FRMD3: variants seen among roughly 807,000 people sequenced by gnomAD.
FRMD3 encodes FERM domain containing 3, also known as FERM domain-containing protein 3.
In FRMD3, 33 loss-of-function variants were observed where a neutral mutation model predicts 70.2. The ratio of observed to expected loss-of-function variants is 0.47; its 90% confidence interval spans 0.36 to 0.63. The LOEUF is 0.63. FRMD3 is among the 20% of genes least tolerant of loss of function. The pLI is 0.00. For synonymous variants in FRMD3, 279 were observed against 255.9 expected, an observed-to-expected ratio of 1.09 and a Z score of -0.86; for missense variants, 632 against 711.4, an observed-to-expected ratio of 0.89 and a Z score of 1.27.
chr9:83,328,652 A>C (rs188139640), intron 6 of FRMD3, among the ~76,000 whole-genome samples: 268 of 152,320 alleles, frequency 1.8e-3, no homozygotes, highest in African/African-American at 6.3e-3. Context: ...CCATGAGGTC[A>C]TAGGGGAGTG....
intron 8 of FRMD3, among the ~76,000 whole-genome samples, 185 bp from the exon 9 acceptor site, chr9:83,310,733 A>G (rs1835320678): frequency 6.6e-6 from 1 of 152,084 alleles, no homozygotes; most frequent in African/African-American, 2.4e-5. Flanking sequence ...TCTCTTCCCA[A>G]GAGAGGATCC....
At chr9:83,332,967 A>G (rs1299442720) in intron 6 of FRMD3, among the ~76,000 whole-genome samples, 1 of 152,166 alleles carries the variant, frequency 6.6e-6, no homozygotes, top group African/African-American at 2.4e-5. Context: ...CCAAGGCCCA[A>G]TTCCTTACAC....
chr9:83,249,126 T>A (rs1037356771), intron 13 of FRMD3, among the ~76,000 whole-genome samples: 3 of 152,232 alleles, frequency 2.0e-5, no homozygotes, highest in African/African-American at 7.2e-5. Flanking sequence ...TTTATTTAGT[T>A]ATGCAATAAA....
At chr9:83,383,527 G>T (rs563890860) in intron 2 of FRMD3, among the ~76,000 whole-genome samples, 2 of 152,154 alleles carry the variant, frequency 1.3e-5, no homozygotes, top group Non-Finnish European at 2.9e-5. Context: ...ATATTTTTAA[G>T]ACTAATTTGA....
the FRMD3 span, among the ~76,000 whole-genome samples, chr9:83,555,193 C>T: frequency 6.7e-6 from 1 of 150,238 alleles, no homozygotes; most frequent in Non-Finnish European, 1.5e-5. Flanking sequence ...TCACCTCAGA[C>T]ACTCCAAAGC....
chr9:83,542,378 T>C (rs565848789), upstream of FRMD3, among the ~76,000 whole-genome samples: 3 of 152,314 alleles, frequency 2.0e-5, no homozygotes, highest in African/African-American at 7.2e-5. Flanking sequence ...TAAAAAGAAA[T>C]ATTTAGGTAT....
chr9:83,519,066 C>G (rs1391714289), intron 1 of FRMD3, among the ~76,000 whole-genome samples: 2 of 152,160 alleles, frequency 1.3e-5, no homozygotes, highest in South Asian at 4.1e-4. Flanking sequence ...CAATACCATT[C>G]AGGACATAGG....
intron 5 of FRMD3, among the ~76,000 whole-genome samples, chr9:83,337,468 G>A (rs1214515457): frequency 6.6e-6 from 1 of 152,152 alleles, no homozygotes; most frequent in Non-Finnish European, 1.5e-5. Flanking sequence ...ACAGCATGGA[G>A]GGGCAAAGGT....
intron 3 of FRMD3, among the ~76,000 whole-genome samples, chr9:83,356,466 C>T (rs560147042): frequency 1.3e-5 from 2 of 151,694 alleles, no homozygotes; most frequent in East Asian, 3.9e-4. Flanking sequence ...TTAGTAGAGA[C>T]GGGGTTTCAC....
In FRMD3 at chr9:83,311,990, AAAG is replaced by A. The variant is rs1564009220; in HGVS notation, c.685-18_685-16del. On this transcript the variant is annotated splice_polypyrimidine_tract_variant and intron_variant, in intron 7 of 13. Coordinates refer to ENST00000304195, the MANE Select transcript of FRMD3 (RefSeq NM_174938.6). ...CCTGTTGAATCCTGAAAAAAAAAAA[AAAG>A]AAAAAAGAAAAATCTGTTTAGATTG... 8 of 1,543,236 alleles carry A rather than the reference AAAG, an allele frequency of 5.2e-6. No individual in the cohort carries two copies. Among genetic ancestry groups the A allele is most frequent in the South Asian group, 1.2e-5 (1 of 83,032 alleles).
intron 1 of FRMD3, among the ~76,000 whole-genome samples, chr9:83,510,787 C>T (rs1039357530): frequency 3.3e-5 from 5 of 152,150 alleles, no homozygotes; most frequent in East Asian, 3.8e-4. Flanking sequence ...TGTATCATTC[C>T]GTTTCCATGA....
intron 3 of FRMD3, among the ~76,000 whole-genome samples, chr9:83,355,629 A>T (rs935381533): frequency 1.1e-4 from 17 of 152,198 alleles, no homozygotes; most frequent in African/African-American, 3.9e-4. Flanking sequence ...GTTTGGGTGG[A>T]TCCAAATGGC....
intron 13 of FRMD3, among the ~76,000 whole-genome samples, chr9:83,266,081 A>G (rs1833241937): frequency 6.6e-6 from 1 of 152,156 alleles, no homozygotes; most frequent in African/African-American, 2.4e-5. Flanking sequence ...TTCAAGTCAT[A>G]TGATAAAGTA....
At chr9:83,399,963 C>T (rs532442362) in intron 1 of FRMD3, among the ~76,000 whole-genome samples, 2 of 151,376 alleles carry the variant, frequency 1.3e-5, no homozygotes, top group Non-Finnish European at 2.9e-5. Context: ...CAACACCATA[C>T]TGGAAGTCCT....
chr9:83,511,932 A>G (rs952924246), intron 1 of FRMD3, among the ~76,000 whole-genome samples: 1 of 152,166 alleles, frequency 6.6e-6, no homozygotes, highest in African/African-American at 2.4e-5. Context: ...CCCCTTTCTG[A>G]AGTGACGGCT....
At chr9:83,356,226 A>G (rs1824331084) in intron 3 of FRMD3, among the ~76,000 whole-genome samples, 1 of 150,968 alleles carries the variant, frequency 6.6e-6, no homozygotes, top group African/African-American at 2.4e-5. Context: ...CAAATCTTTT[A>G]AAGATCAGAT....
At chr9:83,523,552 T>C (rs1829626363) in intron 1 of FRMD3, among the ~76,000 whole-genome samples, 1 of 152,220 alleles carries the variant, frequency 6.6e-6, no homozygotes, top group Non-Finnish European at 1.5e-5. Flanking sequence ...AGGAAAAAAG[T>C]AATCTTTAAC....
the FRMD3 span, among the ~76,000 whole-genome samples, chr9:83,556,446 G>T: frequency 6.6e-6 from 1 of 152,102 alleles, no homozygotes; most frequent in South Asian, 2.1e-4. Flanking sequence ...GCTATAATTT[G>T]GTTATTGTCA....
At chr9:83,256,195 A>G (rs541989000) in intron 13 of FRMD3, among the ~76,000 whole-genome samples, 144 of 152,314 alleles carry the variant, frequency 9.5e-4, no homozygotes, top group Middle Eastern at 6.8e-3. Context: ...GGAACAGAAT[A>G]GAGAATTCAG....
Sources: allele counts gnomAD v4.1 joint callset (sites outside exome capture counted in the v4.1 genomes callset), GRCh38; gene constraint gnomAD v4.1.1; transcripts MANE v1.5; gene names NCBI Gene and HGNC (gene_info 2026-07-23, HGNC 2026-07-21).